DNAH3: variants seen among roughly 807,000 people sequenced by gnomAD.
The protein encoded by DNAH3 is axonemal beta dynein heavy chain 3.
DNAH3 carries 332 observed loss-of-function variants against 432.5 expected under a neutral mutation model. The ratio of observed to expected loss-of-function variants is 0.77; its 90% CI spans 0.70 to 0.84. The LOEUF (loss-of-function observed/expected upper bound fraction) is 0.84. Ranked by LOEUF, DNAH3 falls within the 40% of genes least tolerant of loss-of-function variation. The probability of loss-of-function intolerance (pLI) is 0.00; values close to 1 mark genes in which losing one functional copy is unlikely to be tolerated. For synonymous variants in DNAH3, 1,956 were observed against 1,900.2 expected, an observed-to-expected ratio of 1.03 and a Z score of -0.76; for missense variants, 4,861 against 5,114.0, an observed-to-expected ratio of 0.95 and a Z score of 1.51.
At chr16:20,997,995 A>C (rs950593655) in intron 43 of DNAH3, among the ~76,000 whole-genome samples, 1 of 152,140 alleles carries the variant, frequency 6.6e-6, no homozygotes, top group African/African-American at 2.4e-5. Context: ...TGGGCAACAG[A>C]GTGAGACCCT....
chr16:21,082,169 A>G (rs991447348), intron 19 of DNAH3, among the ~76,000 whole-genome samples: 4 of 151,990 alleles, frequency 2.6e-5, no homozygotes, highest in African/African-American at 9.7e-5. Flanking sequence ...CAAAGTAGTC[A>G]CATTACAGGA....
intron 9 of DNAH3, 121 bp from the exon 11 acceptor site, chr16:21,122,245 C>T (rs1367219607): frequency 6.2e-6 from 5 of 802,808 alleles, no homozygotes; most frequent in African/African-American, 3.5e-5. Flanking sequence ...GGGCATCATA[C>T]ACTGTTTATA....
Position 20,959,469 on chromosome 16 carries a change from A to G in DNAH3, c.10601-65T>C, listed in dbSNP as rs2084715408. The G allele has an allele frequency of 2.1e-5, 32 of 1,490,704 alleles. No homozygotes were observed. The South Asian group carries it at 2.4e-4, about 11-fold the overall frequency. The allele number at this position is 1,490,704 out of a possible 1,614,324, so 92.3% of individuals were successfully genotyped here. On this transcript the variant is annotated intron_variant, in intron 53 of 61. Transcript: ENST00000261383. The stretch of plus-strand genomic sequence containing the variant: ...GCCAGCTAACAGTAACAGAACAGCT[A>G]TATCAACAATAACAACATGGCTGGG...
At chr16:21,117,719 G>A (rs1199012469) in intron 11 of DNAH3, among the ~76,000 whole-genome samples, 1 of 152,110 alleles carries the variant, frequency 6.6e-6, no homozygotes, top group Non-Finnish European at 1.5e-5. Context: ...GATGTTCTAG[G>A]TGTGTCATAG....
chr16:21,023,786 GGTGTGTGTGT>G (rs3220045), intron 39 of DNAH3, among the ~76,000 whole-genome samples: 8 of 146,384 alleles, frequency 5.5e-5, no homozygotes, highest in Admixed American at 2.1e-4. Context: ...CAGCTTTTGG[GGTGTGTGTGT>G]GTGTGTGTGT....
At chr16:20,938,521 T>C (rs1250118199) in intron 59 of DNAH3, among the ~76,000 whole-genome samples, 2 of 152,154 alleles carry the variant, frequency 1.3e-5, no homozygotes, top group African/African-American at 4.8e-5. Context: ...AAAGATTCTC[T>C]TTCTATTCTT....
chr16:21,067,407 T>C, exon 24 of DNAH3: 1 of 1,613,860 alleles, frequency 6.2e-7, no homozygotes, highest in Non-Finnish European at 8.5e-7. Flanking sequence ...ACCAGAATCC[T>C]GTTATCTTTC....
chr16:21,115,981 C>T (rs117031210), intron 12 of DNAH3, among the ~76,000 whole-genome samples: 531 of 152,090 alleles, frequency 3.5e-3, no homozygotes, highest in Non-Finnish European at 6.5e-3. Flanking sequence ...GGATTCCTGC[C>T]GGCATGCATA....
chr16:21,013,742 T>TA (rs1288264295), intron 41 of DNAH3, among the ~76,000 whole-genome samples: 1 of 112,084 alleles, frequency 8.9e-6, no homozygotes, highest in African/African-American at 3.2e-5. Context: ...AAAAAAAAAC[T>TA]AAAAAAATGA....
exon 51 of DNAH3, chr16:20,975,307 C>A (rs2085535482): frequency 6.2e-7 from 1 of 1,614,162 alleles, no homozygotes; most frequent in South Asian, 1.1e-5. Flanking sequence ...TTCTTTCCAT[C>A]AGCTTCTCTC....
intron 3 of DNAH3, among the ~76,000 whole-genome samples, chr16:21,143,028 C>G (rs1205046217): frequency 6.6e-6 from 1 of 152,176 alleles, no homozygotes; most frequent in East Asian, 1.9e-4. Context: ...AAGCAGAAAT[C>G]ATCTCAAGCA....
chr16:21,062,427 T>C, intron 25 of DNAH3, 55 bp downstream of exon 25: 1 of 1,482,420 alleles, frequency 6.7e-7, no homozygotes, highest in South Asian at 1.1e-5. Context: ...GCCAATACGC[T>C]CTCTGATTTA....
intron 52 of DNAH3, among the ~76,000 whole-genome samples, chr16:20,968,048 C>T (rs1352457507): frequency 6.6e-6 from 1 of 152,082 alleles, no homozygotes; most frequent in African/African-American, 2.4e-5. Flanking sequence ...GAAGCAGGAG[C>T]CAGAAGGTCT....
intron 52 of DNAH3, among the ~76,000 whole-genome samples, chr16:20,966,711 G>A (rs1468220899): frequency 6.6e-6 from 1 of 152,202 alleles, no homozygotes; most frequent in Non-Finnish European, 1.5e-5. Context: ...GGGAGCCACA[G>A]CCCGTGGGGA....
chr16:21,016,750 TAACTC>T (rs1469670735), intron 41 of DNAH3, among the ~76,000 whole-genome samples: 2 of 152,168 alleles, frequency 1.3e-5, no homozygotes, highest in Non-Finnish European at 2.9e-5. Flanking sequence ...AAGGTGCAAA[TAACTC>T]AAGGATCCAC....
At chr16:21,154,649 ATTT>A (rs1475404594) in intron 1 of DNAH3, among the ~76,000 whole-genome samples, 1 of 152,180 alleles carries the variant, frequency 6.6e-6, no homozygotes, top group Non-Finnish European at 1.5e-5. Flanking sequence ...AAATATCAGT[ATTT>A]TCACAAGTTT....
At chr16:21,086,780 C>T in intron 19 of DNAH3, 69 bp downstream of exon 19, 1 of 1,389,522 alleles carries the variant, frequency 7.2e-7, no homozygotes, top group Admixed American at 1.7e-5. Flanking sequence ...ATGTTTCCTG[C>T]CTTCCCAAGG....
intron 18 of DNAH3, among the ~76,000 whole-genome samples, chr16:21,091,909 A>G (rs554758488): frequency 1.3e-5 from 2 of 152,332 alleles, no homozygotes; most frequent in East Asian, 3.9e-4. Flanking sequence ...CTACCAAAAT[A>G]TTTGCAAGAT....
chr16:21,104,364 G>A lies in DNAH3; in HGVS notation c.2366+107C>T, dbSNP rs1056015574. ...AATTGTTTTCAGACTTCGCCCACAC[G>A]TTGCCATGGAGTGAGCTGGGGGATG... On this transcript the variant is annotated intron_variant, in intron 16 of 61. Transcript: ENST00000261383. The A allele has an allele frequency of 7.1e-5, 65 of 916,562 alleles. 1 individual carries two copies. Among genetic ancestry groups the A allele is most frequent in the South Asian group, 4.3e-4 (29 of 68,114 alleles). The allele number at this position is 916,562 out of a possible 1,614,324, so 56.8% of individuals were successfully genotyped here.
Sources: allele counts gnomAD v4.1 joint callset (sites outside exome capture counted in the v4.1 genomes callset), GRCh38; gene constraint gnomAD v4.1.1; transcripts MANE v1.5; gene names NCBI Gene and HGNC (gene_info 2026-07-23, HGNC 2026-07-21).